The following KCNB2 variants were observed in gnomAD, a reference collection of about 807,000 sequenced individuals.
KCNB2 encodes the protein delayed rectifier potassium channel protein.
Under a neutral mutation model 61.5 loss-of-function variants are expected in KCNB2, and 15 were observed. The observed-to-expected ratio is 0.24, with a 90% CI of 0.16 to 0.38. The LOEUF (loss-of-function observed/expected upper bound fraction) is 0.38, where lower values mean the gene tolerates loss of function less well. Ranked by LOEUF, KCNB2 falls within the 10% of genes least tolerant of loss-of-function variation. The pLI is 1.00. For synonymous variants in KCNB2, 457 were observed against 446.0 expected (o/e 1.02, Z -0.31); for missense variants, 828 against 1,125.2 (o/e 0.74, Z 3.78).
chr8:72,561,692 T>TTTATATATAC (rs1806515156), intron 1 of KCNB2, among the ~76,000 whole-genome samples: 4 of 4,156 alleles, frequency 9.6e-4, no homozygotes, highest in Non-Finnish European at 1.5e-3. Context: ...ATCTTACTTT[T>TTTATATATAC]ATATATATAT....
intron 2 of KCNB2, among the ~76,000 whole-genome samples, chr8:72,721,314 T>C (rs900471160): frequency 4.6e-5 from 7 of 152,260 alleles, no homozygotes; most frequent in Non-Finnish European, 8.8e-5. Context: ...TGGTGAACTC[T>C]GCTGAATGGT....
At chr8:72,648,487 T>C (rs1806165284) in intron 2 of KCNB2, among the ~76,000 whole-genome samples, 1 of 151,836 alleles carries the variant, frequency 6.6e-6, no homozygotes, top group South Asian at 2.1e-4. Context: ...TTGCCTAGGC[T>C]GGTCGCGAAC....
chr8:72,648,133 G>C (rs1002797484), intron 2 of KCNB2, among the ~76,000 whole-genome samples: 1 of 152,136 alleles, frequency 6.6e-6, no homozygotes, highest in Non-Finnish European at 1.5e-5. Flanking sequence ...TAGTGCAGAG[G>C]TGTGAATGTT....
At chr8:72,568,781 T>C (rs746871628) in intron 2 of KCNB2, among the ~76,000 whole-genome samples, 2 of 140,028 alleles carry the variant, frequency 1.4e-5, no homozygotes, top group Non-Finnish European at 3.2e-5. Context: ...TGGCCCCAGG[T>C]AGCTCAGAGG....
intron 2 of KCNB2, among the ~76,000 whole-genome samples, chr8:72,783,815 A>T (rs553190023): frequency 1.6e-4 from 25 of 152,296 alleles, no homozygotes; most frequent in African/African-American, 4.8e-4. Flanking sequence ...ATCTAGTCAC[A>T]CAAGAATGGA....
At chr8:72,657,199 T>C (rs1347144984) in intron 2 of KCNB2, among the ~76,000 whole-genome samples, 1 of 152,178 alleles carries the variant, frequency 6.6e-6, no homozygotes, top group Non-Finnish European at 1.5e-5. Flanking sequence ...TCTGTAGGAA[T>C]AGTGGTCAAT....
At chr8:72,760,249 A>G (rs746761286) in intron 2 of KCNB2, among the ~76,000 whole-genome samples, 10 of 152,202 alleles carry the variant, frequency 6.6e-5, no homozygotes, top group Non-Finnish European at 1.3e-4. Context: ...CTGAGCTTCC[A>G]TTCTCTTAAC....
intron 1 of KCNB2, among the ~76,000 whole-genome samples, chr8:72,553,849 C>T (rs919597520): frequency 1.3e-5 from 2 of 151,990 alleles, no homozygotes; most frequent in Non-Finnish European, 1.5e-5. Flanking sequence ...CATTTTATAA[C>T]ATTTGGAATA....
chr8:72,849,899 G>C (rs184282153), intron 2 of KCNB2, among the ~76,000 whole-genome samples: 4 of 152,210 alleles, frequency 2.6e-5, no homozygotes, highest in African/African-American at 4.8e-5. Context: ...GGTAATCAAA[G>C]TCTTGCCATC....
rs574080848 is a variant in KCNB2, at chr8:72,600,156, C to T, written c.579+31843C>T. Among the ~76,000 whole-genome samples the T allele has an allele frequency of 2.6e-3, 396 of 152,156 alleles. 1 individual carries two copies. The highest frequency in any genetic ancestry group is 8.0e-3 in the African/African-American group (330 of 41,494). ...GACACATGCACACGTATGTTTATTG[C>T]GGCATTATTCACAATAGCAAAGACT... is the stretch of plus-strand genomic sequence containing the variant. On this transcript the variant is annotated intron_variant, in intron 2 of 2. Transcript: ENST00000523207.
At chr8:72,692,832 T>G (rs911851170) in intron 2 of KCNB2, among the ~76,000 whole-genome samples, 18 of 149,840 alleles carry the variant, frequency 1.2e-4, no homozygotes, top group African/African-American at 4.1e-4. Context: ...ATTTATATTT[T>G]AAAATATATT....
intron 2 of KCNB2, among the ~76,000 whole-genome samples, chr8:72,861,087 G>A (rs977942707): frequency 6.6e-6 from 1 of 152,202 alleles, no homozygotes; most frequent in African/African-American, 2.4e-5. Context: ...GACACCGGAA[G>A]TTTCTTTTCT....
chr8:72,898,339 G>A (rs1806025776), intron 2 of KCNB2, among the ~76,000 whole-genome samples: 2 of 151,960 alleles, frequency 1.3e-5, no homozygotes, highest in Non-Finnish European at 2.9e-5. Flanking sequence ...TATACCTAAT[G>A]TTAAATGATG....
intron 2 of KCNB2, among the ~76,000 whole-genome samples, chr8:72,693,067 C>A (rs899303360): frequency 6.6e-6 from 1 of 152,018 alleles, no homozygotes; most frequent in African/African-American, 2.4e-5. Context: ...ATATCATTAG[C>A]CTGTGACAGC....
chr8:72,606,956 A>G (rs1012126678), intron 2 of KCNB2, among the ~76,000 whole-genome samples: 96 of 152,270 alleles, frequency 6.3e-4, no homozygotes, highest in African/African-American at 2.1e-3. Context: ...GGCCTGAGGG[A>G]TCAGTGTTGA....
intron 2 of KCNB2, among the ~76,000 whole-genome samples, chr8:72,820,755 T>C (rs1387236021): frequency 1.3e-5 from 2 of 152,190 alleles, no homozygotes; most frequent in Non-Finnish European, 2.9e-5. Flanking sequence ...TCTCTAAATT[T>C]CTTATCCCAC....
At chr8:72,708,029 C>A (rs1431634373) in intron 2 of KCNB2, among the ~76,000 whole-genome samples, 1 of 152,160 alleles carries the variant, frequency 6.6e-6, no homozygotes, top group Middle Eastern at 3.2e-3. Context: ...GAGGCCCAGA[C>A]AGGAGCTGAG....
At chr8:72,665,794 A>G (rs1438624331) in intron 2 of KCNB2, among the ~76,000 whole-genome samples, 1 of 142,558 alleles carries the variant, frequency 7.0e-6, no homozygotes, top group East Asian at 2.8e-4. Flanking sequence ...ATTATGTTCT[A>G]TTCAACTGAA....
chr8:72,857,518 C>A (rs1810224981), intron 2 of KCNB2, among the ~76,000 whole-genome samples: 1 of 150,838 alleles, frequency 6.6e-6, no homozygotes, highest in Non-Finnish European at 1.5e-5. Context: ...GTCAAGTTCA[C>A]AAAGAGCTGA....
Sources: gnomAD v4.1 joint callset for allele counts (sites outside exome capture counted in the v4.1 genomes callset) on GRCh38, gnomAD v4.1.1 for gene constraint, MANE v1.5 for transcripts, NCBI Gene and HGNC (gene_info 2026-07-23, HGNC 2026-07-21) for gene names.